IGSF21: variants seen among roughly 807,000 people sequenced by gnomAD.
IGSF21 encodes immunoglobulin superfamily member 21.
IGSF21 carries 28 observed loss-of-function variants against 46.8 expected under a neutral mutation model. That is an observed-to-expected ratio of 0.60 (90% CI 0.44 to 0.82). The LOEUF is 0.82. Ranked by LOEUF, IGSF21 falls within the 40% of genes least tolerant of loss-of-function variation. The pLI is 0.00. For synonymous variants in IGSF21, 284 were observed against 273.6 expected (o/e 1.04, Z -0.38); for missense variants, 624 against 665.5 (o/e 0.94, Z 0.69).
At chr1:18,264,044 G>A (rs1312572094) in intron 2 of IGSF21, among the ~76,000 whole-genome samples, 1 of 152,134 alleles carries the variant, frequency 6.6e-6, no homozygotes, top group Non-Finnish European at 1.5e-5. Context: ...TATTATTAGG[G>A]CCAAAAATAA....
At chr1:18,214,630 G>A (rs2084424015) in intron 1 of IGSF21, among the ~76,000 whole-genome samples, 1 of 152,206 alleles carries the variant, frequency 6.6e-6, no homozygotes, top group Admixed American at 6.5e-5. Flanking sequence ...GAGGCCTTGG[G>A]AAACTTACAG....
chr1:18,360,174 G>T (rs1050421377), intron 4 of IGSF21, among the ~76,000 whole-genome samples: 2 of 152,184 alleles, frequency 1.3e-5, no homozygotes, highest in Non-Finnish European at 2.9e-5. Context: ...TTTTGGAAAG[G>T]TTAGATTGCA....
intron 1 of IGSF21, among the ~76,000 whole-genome samples, chr1:18,169,892 CA>C (rs2086719382): frequency 6.6e-6 from 1 of 151,672 alleles, no homozygotes; most frequent in African/African-American, 2.4e-5. Context: ...AGGAGTGGAG[CA>C]GGGTTTTTTG....
intron 1 of IGSF21, among the ~76,000 whole-genome samples, chr1:18,163,939 G>A (rs4920446): frequency 0.35 from 52,550 of 152,118 alleles, 10,365 homozygotes; most frequent in East Asian, 0.58. Flanking sequence ...GAAATACCGT[G>A]ATAGCCATCA....
chr1:18,356,064 A>G (rs112178664), intron 4 of IGSF21, among the ~76,000 whole-genome samples: 5 of 151,972 alleles, frequency 3.3e-5, no homozygotes, highest in African/African-American at 1.2e-4. Context: ...TGAACTCCCG[A>G]CCTCACGTGA....
chr1:18,358,420 TA>T (rs1472541323), intron 4 of IGSF21, among the ~76,000 whole-genome samples: 2 of 152,238 alleles, frequency 1.3e-5, no homozygotes, highest in Admixed American at 1.3e-4. Context: ...ACGCTCTTCT[TA>T]AAAAATTAAG....
chr1:18,342,826 G>A lies in IGSF21; in HGVS notation c.424+7816G>A, dbSNP rs191786941. 9.2e-5 allele frequency among the ~76,000 whole-genome samples: 14 copies of A among 152,258 alleles called. No homozygotes were observed. In the East Asian group the frequency reaches 2.3e-3, roughly 25 times the overall value. On this transcript the variant is annotated intron_variant, in intron 4 of 9. Coordinates refer to ENST00000251296, the MANE Select transcript of IGSF21 (RefSeq NM_032880.5). The stretch of plus-strand genomic sequence containing the variant: ...TATGGATAGATCGCGTTTTGTTTAT[G>A]CATTCCTCAGTGGATGGAAATCTGG...
At chr1:18,187,389 T>G (rs1393061646) in intron 1 of IGSF21, among the ~76,000 whole-genome samples, 1 of 152,190 alleles carries the variant, frequency 6.6e-6, no homozygotes, top group Non-Finnish European at 1.5e-5. Flanking sequence ...AAAAGAGGTA[T>G]AATAGATTTG....
rs1194413604 is a variant in IGSF21, at chr1:18,128,879, A to G, written c.70+20681A>G. On this transcript the variant is annotated intron_variant, in intron 1 of 9. Transcript: ENST00000251296. ...CCCACCCCTCACCTCCTTTTATTTC[A>G]CCTTGAACCCCAGGATACCTCTGGA... 2.0e-5 allele frequency among the ~76,000 whole-genome samples: 3 copies of G among 151,420 alleles called. No individual in the cohort carries two copies. In the East Asian group the frequency reaches 5.8e-4, roughly 29 times the overall value.
chr1:18,143,235 C>T (rs574928334), intron 1 of IGSF21, among the ~76,000 whole-genome samples: 54 of 152,290 alleles, frequency 3.5e-4, no homozygotes, highest in African/African-American at 1.2e-3. Flanking sequence ...GCCCTTCTGT[C>T]GGGCCTGGGC....
chr1:18,168,161 G>T (rs555169649), intron 1 of IGSF21, among the ~76,000 whole-genome samples: 1 of 152,254 alleles, frequency 6.6e-6, no homozygotes, highest in East Asian at 1.9e-4. Flanking sequence ...TGCAAGGAGG[G>T]TCTCTGTTGC....
chr1:18,349,133 T>C (rs2085924584), intron 4 of IGSF21, among the ~76,000 whole-genome samples: 1 of 152,204 alleles, frequency 6.6e-6, no homozygotes, highest in Admixed American at 6.5e-5. Context: ...TTCCCATTTT[T>C]ACAGAAGAGG....
At chr1:18,178,101 G>C (rs1423744646) in intron 1 of IGSF21, among the ~76,000 whole-genome samples, 1 of 152,122 alleles carries the variant, frequency 6.6e-6, no homozygotes, top group African/African-American at 2.4e-5. Flanking sequence ...AGTGGGGAGA[G>C]AGAGAGAGAA....
intron 1 of IGSF21, chr1:18,179,225 A>C (rs1194140465): frequency 6.6e-6 from 1 of 152,178 alleles, no homozygotes; most frequent in African/African-American, 2.4e-5. Flanking sequence ...ACATCCAAGC[A>C]GCTCACGGCA....
At chr1:18,124,718 C>A (rs2086261263) in intron 1 of IGSF21, among the ~76,000 whole-genome samples, 2 of 152,110 alleles carry the variant, frequency 1.3e-5, no homozygotes, top group Non-Finnish European at 2.9e-5. Context: ...TCTCTGGCCT[C>A]GTTATTATTA....
rs1262020869 is a variant in IGSF21, at chr1:18,273,452, T to C, written c.184-18414T>C. ...TTCCTTTCTTTCTTTCTCACTTTCT[T>C]TCTTTCTCTCTCTTTCTTTCTTTCT... On this transcript the variant is annotated intron_variant, in intron 2 of 9. Coordinates refer to ENST00000251296, the MANE Select transcript of IGSF21 (RefSeq NM_032880.5). 1.9e-4 allele frequency among the ~76,000 whole-genome samples: 19 copies of C among 99,776 alleles called. 1 individual carries two copies. Among genetic ancestry groups the C allele is most frequent in the African/African-American group, 6.7e-4 (15 of 22,554 alleles). 65.5% of individuals were successfully genotyped at this position (99,776 alleles called of 152,430 possible). A position where few individuals can be genotyped will look rare whatever the true frequency, so the allele number is the denominator to read the frequency against.
At chr1:18,281,116 T>TGAAC (rs1221257613) in intron 2 of IGSF21, among the ~76,000 whole-genome samples, 7 of 91,788 alleles carry the variant, frequency 7.6e-5, no homozygotes, top group African/African-American at 3.3e-4. Flanking sequence ...AATGAAGAAA[T>TGAAC]GAACGAATGA....
chr1:18,338,433 C>A (rs1486902457), intron 4 of IGSF21, among the ~76,000 whole-genome samples: 1 of 152,122 alleles, frequency 6.6e-6, no homozygotes, highest in Non-Finnish European at 1.5e-5. Context: ...CTAAGGGCCA[C>A]TGCAGCCAAA....
At chr1:18,219,998 A>T (rs561837398) in intron 1 of IGSF21, among the ~76,000 whole-genome samples, 28 of 152,200 alleles carry the variant, frequency 1.8e-4, no homozygotes, top group Non-Finnish European at 4.0e-4. Flanking sequence ...GACCAGGAGA[A>T]GCAGGATATT....
Sources: allele counts gnomAD v4.1 joint callset (sites outside exome capture counted in the v4.1 genomes callset), GRCh38; gene constraint gnomAD v4.1.1; transcripts MANE v1.5; gene names NCBI Gene and HGNC (gene_info 2026-07-23, HGNC 2026-07-21).